Variants in BMAL2 observed in about 807,000 individuals in gnomAD.
BMAL2 encodes basic helix-loop-helix ARNT-like protein 2.
the BMAL2 span, among the ~76,000 whole-genome samples, chr12:27,341,039 C>T: frequency 2.6e-5 from 4 of 152,276 alleles, no homozygotes; most frequent in East Asian, 7.7e-4. Context: ...GATACAGAAT[C>T]ATGTCATCTG....
the BMAL2 span, among the ~76,000 whole-genome samples, chr12:27,417,765 G>A: frequency 1.3e-5 from 2 of 151,524 alleles, no homozygotes; most frequent in African/African-American, 2.4e-5. Context: ...AGGCCGAGGC[G>A]GGCAGATCAT....
the BMAL2 span, among the ~76,000 whole-genome samples, chr12:27,333,858 A>G: frequency 6.6e-6 from 1 of 152,258 alleles, no homozygotes; most frequent in Non-Finnish European, 1.5e-5. Context: ...GCTAGTATTC[A>G]CTGGCAGTAT....
chr12:27,401,702 T>C, the BMAL2 span: 1 of 1,479,832 alleles, frequency 6.8e-7, no homozygotes, highest in East Asian at 2.3e-5. Flanking sequence ...TTAAGACCTT[T>C]ATATTGATTT....
the BMAL2 span, among the ~76,000 whole-genome samples, chr12:27,381,529 A>G: frequency 1.3e-5 from 2 of 152,108 alleles, no homozygotes; most frequent in Non-Finnish European, 2.9e-5. Flanking sequence ...ACCAGATCTC[A>G]TGAGAACTCA....
At chr12:27,376,004 T>C in the BMAL2 span, among the ~76,000 whole-genome samples, 204 of 152,354 alleles carry the variant, frequency 1.3e-3, no homozygotes, top group Non-Finnish European at 2.5e-3. Context: ...ATGATGTTAA[T>C]AACTTTAATG....
At chr12:27,397,366 A>G in the BMAL2 span, among the ~76,000 whole-genome samples, 1 of 152,226 alleles carries the variant, frequency 6.6e-6, no homozygotes, top group African/African-American at 2.4e-5. Flanking sequence ...CACCACGCCC[A>G]GCCAATTCAC....
At chr12:27,388,202 A>C in the BMAL2 span, among the ~76,000 whole-genome samples, 2 of 152,200 alleles carry the variant, frequency 1.3e-5, no homozygotes, top group Non-Finnish European at 2.9e-5. Flanking sequence ...CTGACTTTGC[A>C]TAGAAGAGGC....
chr12:27,418,720 C>T, the BMAL2 span, among the ~76,000 whole-genome samples: 1 of 152,032 alleles, frequency 6.6e-6, no homozygotes, highest in African/African-American at 2.4e-5. Context: ...TGGCTCATTC[C>T]TGTAATCCCA....
the BMAL2 span, among the ~76,000 whole-genome samples, chr12:27,341,268 T>C: frequency 5.0e-3 from 754 of 152,304 alleles, 7 homozygotes; most frequent in African/African-American, 0.017. Flanking sequence ...AGATGGCTCT[T>C]ATTATTTTGA....
At chr12:27,345,670 C>T in the BMAL2 span, among the ~76,000 whole-genome samples, 1 of 151,820 alleles carries the variant, frequency 6.6e-6, no homozygotes, top group Non-Finnish European at 1.5e-5. Flanking sequence ...AATTTTTGTA[C>T]TTTTGTTTTT....
chr12:27,362,011 C>G, the BMAL2 span, among the ~76,000 whole-genome samples: 1 of 148,454 alleles, frequency 6.7e-6, no homozygotes, highest in Non-Finnish European at 1.5e-5. Flanking sequence ...ATCATGCTTC[C>G]CAGAATGGGA....
chr12:27,378,028 T>G, the BMAL2 span, among the ~76,000 whole-genome samples: 1 of 152,156 alleles, frequency 6.6e-6, no homozygotes, highest in African/African-American at 2.4e-5. Flanking sequence ...ATCAGGGAAG[T>G]CTCCCACTTA....
chr12:27,352,816 G>A, the BMAL2 span, among the ~76,000 whole-genome samples: 1 of 152,068 alleles, frequency 6.6e-6, no homozygotes, highest in African/African-American at 2.4e-5. Context: ...CAAATCAAGA[G>A]TGCAGTCTCA....
the BMAL2 span, among the ~76,000 whole-genome samples, chr12:27,411,334 C>T: frequency 5.9e-5 from 9 of 151,916 alleles, no homozygotes; most frequent in African/African-American, 1.5e-4. Context: ...ACACAATAAA[C>T]GGCCAGGTGC....
the BMAL2 span, among the ~76,000 whole-genome samples, chr12:27,379,070 A>G: frequency 6.6e-6 from 1 of 152,186 alleles, no homozygotes; most frequent in African/African-American, 2.4e-5. Context: ...TGGAAAGTTT[A>G]TGAATTTGTG....
chr12:27,365,672 G>A, the BMAL2 span, among the ~76,000 whole-genome samples: 1 of 151,268 alleles, frequency 6.6e-6, no homozygotes, highest in Non-Finnish European at 1.5e-5. Context: ...ATTTTTAATG[G>A]TATTTTATTA....
chr12:27,400,854 A>G, the BMAL2 span: 3 of 1,274,686 alleles, frequency 2.4e-6, no homozygotes, highest in Non-Finnish European at 3.2e-6. Context: ...TAGCACTGCT[A>G]GTTTTTCTTT....
the BMAL2 span, chr12:27,421,468 A>C: frequency 2.6e-5 from 4 of 152,216 alleles, no homozygotes; most frequent in East Asian, 7.7e-4. Context: ...TCATGAGCGC[A>C]AAGGCCTCAT....
chr12:27,418,749 G>C, the BMAL2 span, among the ~76,000 whole-genome samples: 3 of 152,124 alleles, frequency 2.0e-5, no homozygotes, highest in Non-Finnish European at 4.4e-5. Context: ...GGAGGCCAAG[G>C]CAGGCGAATC....
Sources: gnomAD v4.1 joint callset for allele counts (sites outside exome capture counted in the v4.1 genomes callset) on GRCh38, gnomAD v4.1.1 for gene constraint, MANE v1.5 for transcripts, NCBI Gene and HGNC (gene_info 2026-07-23, HGNC 2026-07-21) for gene names.